MICU1: variants seen among roughly 807,000 people sequenced by gnomAD.
MICU1 encodes the protein mitochondrial calcium uptake 1, also known as calcium uptake protein 1, mitochondrial.
In MICU1, 45 loss-of-function variants were observed where a neutral mutation model predicts 56.8. The observed-to-expected ratio is 0.79, with a 90% confidence interval of 0.62 to 1.02. The LOEUF (loss-of-function observed/expected upper bound fraction) is 1.02, where lower values mean the gene tolerates loss of function less well. MICU1 is among the 50% of genes least tolerant of loss of function. The pLI, the probability that MICU1 is intolerant of heterozygous loss-of-function variation, is 0.00. For missense variants in MICU1, 504 were observed against 587.1 expected (o/e 0.86, Z 1.46); for synonymous variants, 186 against 195.1 (o/e 0.95, Z 0.39).
chr10:72,509,299 G>A, intron 5 of MICU1: 1 of 947,282 alleles, frequency 1.1e-6, no homozygotes, highest in South Asian at 1.4e-5. Context: ...AAAGTAAGAG[G>A]CAGCATTGCA....
In MICU1 at chr10:72,511,916, C is replaced by T. The variant is rs375129325; in HGVS notation, c.538-3647G>A. The stretch of plus-strand genomic sequence containing the variant: ...GGGTGGTGCCCATCAACATTGAGGG[C>T]AGACCGTCCCCATCTAAATCCACTC... On this transcript the variant is annotated intron_variant, in intron 5 of 11. Transcript: ENST00000361114. Among the ~76,000 whole-genome samples, 3 of 152,070 alleles carry T rather than the reference C, an allele frequency of 2.0e-5. No individual in the cohort carries two copies. In the East Asian group the frequency reaches 5.8e-4, roughly 29 times the overall value.
At chr10:72,464,333 A>C (rs1408940108) in intron 8 of MICU1, among the ~76,000 whole-genome samples, 3 of 148,486 alleles carry the variant, frequency 2.0e-5, no homozygotes, top group African/African-American at 5.0e-5. Context: ...GAACTGTTAT[A>C]GTTCTTTTAC....
intron 5 of MICU1, among the ~76,000 whole-genome samples, chr10:72,529,339 AC>A (rs1839410924): frequency 6.6e-6 from 1 of 152,186 alleles, no homozygotes; most frequent in African/African-American, 2.4e-5. Flanking sequence ...GGAAAGAATA[AC>A]AAATCTATTC....
chr10:72,616,600 A>G, intron 1 of MICU1, among the ~76,000 whole-genome samples: 1 of 151,914 alleles, frequency 6.6e-6, no homozygotes, highest in Non-Finnish European at 1.5e-5. Flanking sequence ...AAAAAAAAAA[A>G]AAAGACTCTA....
At chr10:72,601,592 C>T (rs543184587) in intron 1 of MICU1, among the ~76,000 whole-genome samples, 6 of 151,792 alleles carry the variant, frequency 4.0e-5, no homozygotes, top group African/African-American at 1.2e-4. Flanking sequence ...GAGGCCCCTA[C>T]AACAAAAGAC....
intron 9 of MICU1, among the ~76,000 whole-genome samples, chr10:72,417,069 G>A (rs180774111): frequency 9.2e-5 from 14 of 152,230 alleles, no homozygotes; most frequent in East Asian, 1.9e-4. Flanking sequence ...GTGGCTGATC[G>A]ATAAATATTG....
chr10:72,595,886 TG>T (rs1326882651), intron 1 of MICU1, among the ~76,000 whole-genome samples: 5 of 152,142 alleles, frequency 3.3e-5, no homozygotes, highest in Admixed American at 3.3e-4. Flanking sequence ...TCCCAACACT[TG>T]GGGAAGCTGA....
At chr10:72,480,875 C>T (rs1866272915) in intron 6 of MICU1, among the ~76,000 whole-genome samples, 1 of 152,158 alleles carries the variant, frequency 6.6e-6, no homozygotes, top group Non-Finnish European at 1.5e-5. Context: ...ATATCACCTC[C>T]TACAACTAAG....
chr10:72,421,421 CCCA>C (rs1864171182), intron 9 of MICU1, among the ~76,000 whole-genome samples: 1 of 152,060 alleles, frequency 6.6e-6, no homozygotes, highest in South Asian at 2.1e-4. Context: ...ATTATAGGCG[CCCA>C]CCACCACGCC....
rs150733309 is a variant in MICU1, at chr10:72,448,121, A to ATGTGTGTG, written c.934-24758_934-24751dup. The stretch of plus-strand genomic sequence containing the variant: ...GGCACCATGGAAAAAGTTTATATAT[A>ATGTGTGTG]TGTGTGTGTGTGTGTGTGTGTGTGT... On this transcript the variant is annotated intron_variant, in intron 8 of 11. Coordinates refer to ENST00000361114, the MANE Select transcript of MICU1 (RefSeq NM_001195518.2). 4.3e-3 allele frequency among the ~76,000 whole-genome samples: 520 copies of ATGTGTGTG among 121,790 alleles called. 4 individuals carry two copies. The highest frequency in any genetic ancestry group is 9.6e-3 in the South Asian group (37 of 3,850). The allele number at this position is 121,790 out of a possible 152,430, so 79.9% of individuals were successfully genotyped here. A position where few individuals can be genotyped will look rare whatever the true frequency, so the allele number is the denominator to read the frequency against.
Position 72,375,796 on chromosome 10 carries a change from G to C in MICU1, c.1257C>G (p.Leu419=), listed in dbSNP as rs577512531. 6.2e-7 allele frequency: 1 copy of C among 1,612,982 alleles called. No individual in the cohort carries two copies. The highest frequency in any genetic ancestry group is 1.1e-5 in the South Asian group (1 of 90,668). ...SDHVCDVVFA[L]FDCDGNGELS... ...GGCCCCACTCACCATCACAGTCAAAGAGTGCAAACACCACATCACACACGT... is the reference window on the plus strand; with the variant it reads ...GGCCCCACTCACCATCACAGTCAAACAGTGCAAACACCACATCACACACGT... The change falls in exon 11 of 12, where the codon CTC becomes CTG. Residue 419 remains leucine, a synonymous_variant. Transcript: ENST00000361114.
At chr10:72,575,985 G>T (rs1019376064) in intron 1 of MICU1, among the ~76,000 whole-genome samples, 1 of 152,026 alleles carries the variant, frequency 6.6e-6, no homozygotes, top group Non-Finnish European at 1.5e-5. Context: ...AGGCTGAGGC[G>T]GGTGGATCAC....
intron 10 of MICU1, among the ~76,000 whole-genome samples, chr10:72,388,518 G>T (rs1040681504): frequency 6.6e-6 from 1 of 152,168 alleles, no homozygotes; most frequent in African/African-American, 2.4e-5. Flanking sequence ...GTAAGGTAAG[G>T]ACTATGGATG....
chr10:72,491,241 G>C (rs954091076), intron 6 of MICU1, among the ~76,000 whole-genome samples: 1 of 152,118 alleles, frequency 6.6e-6, no homozygotes, highest in Non-Finnish European at 1.5e-5. Flanking sequence ...ATTCTCCTAA[G>C]TCTGTAAGCC....
intron 1 of MICU1, among the ~76,000 whole-genome samples, chr10:72,571,134 C>T (rs1472898976): frequency 6.6e-6 from 1 of 152,064 alleles, no homozygotes; most frequent in Non-Finnish European, 1.5e-5. Flanking sequence ...GAGGCCACGG[C>T]GGGCAAATCA....
At chr10:72,612,487 A>G (rs1841877609) in intron 1 of MICU1, among the ~76,000 whole-genome samples, 1 of 152,180 alleles carries the variant, frequency 6.6e-6, no homozygotes, top group Non-Finnish European at 1.5e-5. Context: ...TTTGACAGTC[A>G]AATTGCTCCT....
intron 8 of MICU1, among the ~76,000 whole-genome samples, chr10:72,460,804 C>T (rs1865617287): frequency 6.6e-6 from 1 of 151,910 alleles, no homozygotes; most frequent in Non-Finnish European, 1.5e-5. Flanking sequence ...AAAAAAATTA[C>T]ATTTACTAGT....
chr10:72,461,098 CTT>C (rs1314201231), intron 8 of MICU1, among the ~76,000 whole-genome samples: 1 of 152,104 alleles, frequency 6.6e-6, no homozygotes, highest in East Asian at 1.9e-4. Flanking sequence ...GAAACTTTCT[CTT>C]GTCTTGTCTT....
chr10:72,463,188 C>G (rs993964319), intron 8 of MICU1, among the ~76,000 whole-genome samples: 8 of 152,024 alleles, frequency 5.3e-5, no homozygotes, highest in Admixed American at 2.0e-4. Context: ...CTCAGCCTCC[C>G]GAGTAGCTGG....
Sources: gnomAD v4.1 joint callset for allele counts (sites outside exome capture counted in the v4.1 genomes callset) on GRCh38, gnomAD v4.1.1 for gene constraint, MANE v1.5 for transcripts, NCBI Gene and HGNC (gene_info 2026-07-23, HGNC 2026-07-21) for gene names.